The following NME7 variants were observed in gnomAD, a reference collection of about 807,000 sequenced individuals.
The protein encoded by NME7 is NME/NM23 family member 7.
NME7 carries 41 observed loss-of-function variants against 49.1 expected under a neutral mutation model. That is an observed-to-expected ratio of 0.83 (90% CI 0.65 to 1.08). The LOEUF (loss-of-function observed/expected upper bound fraction) is 1.08, where lower values mean the gene tolerates loss of function less well. NME7 is among the 50% of genes least tolerant of loss of function. The pLI is 0.00. For synonymous variants in NME7, 139 were observed against 150.6 expected, an observed-to-expected ratio of 0.92 and a Z score of 0.56; for missense variants, 423 against 463.4, an observed-to-expected ratio of 0.91 and a Z score of 0.80.
intron 3 of NME7, among the ~76,000 whole-genome samples, chr1:169,316,818 T>C (rs1488599786): frequency 1.3e-5 from 2 of 152,158 alleles, no homozygotes; most frequent in Non-Finnish European, 2.9e-5. Context: ...CACCTGATCT[T>C]TACCTGATGA....
chr1:169,226,478 G>A (rs1647347025), intron 10 of NME7, among the ~76,000 whole-genome samples: 2 of 152,254 alleles, frequency 1.3e-5, no homozygotes, highest in African/African-American at 4.8e-5. Context: ...CAAAGGGAAA[G>A]AGCCATTTTA....
intron 10 of NME7, among the ~76,000 whole-genome samples, chr1:169,205,331 T>C (rs1414565808): frequency 2.6e-5 from 4 of 152,078 alleles, no homozygotes; most frequent in Non-Finnish European, 5.9e-5. Flanking sequence ...CATCTGGTGC[T>C]TCCTTTCCTC....
chr1:169,335,496 G>T (rs2101952833), intron 1 of NME7, among the ~76,000 whole-genome samples: 1 of 151,816 alleles, frequency 6.6e-6, no homozygotes, highest in South Asian at 2.1e-4. Flanking sequence ...CTCATAAGTG[G>T]GAGGTGAACA....
At chr1:169,213,757 GT>G (rs1660895648) in intron 10 of NME7, among the ~76,000 whole-genome samples, 1 of 151,706 alleles carries the variant, frequency 6.6e-6, no homozygotes, top group African/African-American at 2.4e-5. Context: ...ACCCATCCTG[GT>G]CAGACAGCAG....
chr1:169,244,529 G>C (rs1233197592), intron 7 of NME7, among the ~76,000 whole-genome samples: 1 of 151,380 alleles, frequency 6.6e-6, no homozygotes, highest in South Asian at 2.1e-4. Flanking sequence ...CCAGCTACTC[G>C]GGAGGCTGAG....
intron 10 of NME7, among the ~76,000 whole-genome samples, chr1:169,180,309 T>C (rs554459859): frequency 6.6e-6 from 1 of 152,342 alleles, no homozygotes; most frequent in East Asian, 1.9e-4. Context: ...TATATAGTAC[T>C]TGTGTTTTTA....
At chr1:169,351,697 A>T (rs1287993567) in intron 1 of NME7, among the ~76,000 whole-genome samples, 1 of 152,038 alleles carries the variant, frequency 6.6e-6, no homozygotes, top group Non-Finnish European at 1.5e-5. Flanking sequence ...TAAGAAAAAT[A>T]GACAGAAGGC....
chr1:169,342,868 CAT>C (rs1168616843), intron 1 of NME7, among the ~76,000 whole-genome samples: 5 of 78,564 alleles, frequency 6.4e-5, no homozygotes, highest in African/African-American at 1.7e-4. Flanking sequence ...TATACAAGTA[CAT>C]ATATATAGTA....
At chr1:169,259,150 T>G (rs1474135208) in intron 7 of NME7, among the ~76,000 whole-genome samples, 1 of 133,432 alleles carries the variant, frequency 7.5e-6, no homozygotes, top group African/African-American at 2.5e-5. Context: ...ATAACAGATA[T>G]GCTCAGATTA....
chr1:169,330,324 T>C (rs185878901), intron 1 of NME7, among the ~76,000 whole-genome samples: 1 of 152,240 alleles, frequency 6.6e-6, no homozygotes, highest in East Asian at 1.9e-4. Flanking sequence ...CTGTGGCGTA[T>C]AGAGAAATGC....
At chr1:169,363,605 C>CT (rs1653742149) in intron 1 of NME7, among the ~76,000 whole-genome samples, 1 of 152,194 alleles carries the variant, frequency 6.6e-6, no homozygotes, top group South Asian at 2.1e-4. Context: ...CATATTTTCC[C>CT]TACTGCAGCC....
At chr1:169,210,750 G>C (rs1571294273) in intron 10 of NME7, among the ~76,000 whole-genome samples, 1 of 152,098 alleles carries the variant, frequency 6.6e-6, no homozygotes. Flanking sequence ...GCAGGGGATG[G>C]GGAGGAGGTT....
intron 10 of NME7, among the ~76,000 whole-genome samples, chr1:169,199,962 CTTATTAATTCA>C (rs1241562916): frequency 2.6e-5 from 4 of 152,132 alleles, no homozygotes; most frequent in East Asian, 1.9e-4. Flanking sequence ...TGATATAGAA[CTTATTAATTCA>C]TTATTAATTC....
In NME7 at chr1:169,261,331, A is replaced by G. The variant is rs1649155029; in HGVS notation, c.755-23644T>C. Among the ~76,000 whole-genome samples, 3 of 134,080 alleles carry G rather than the reference A, an allele frequency of 2.2e-5. 1 individual carries two copies. The highest frequency in any genetic ancestry group is 1.8e-5 in the Non-Finnish European group (1 of 57,050). The allele number at this position is 134,080 out of a possible 152,430, so 88.0% of individuals were successfully genotyped here. ...ATTTCTTTCCATGAAACTGGGTTTCATTCCAATCTCACTAGAGAAAGATCA... is the reference window on the plus strand; with the variant it reads ...ATTTCTTTCCATGAAACTGGGTTTCGTTCCAATCTCACTAGAGAAAGATCA... On this transcript the variant is annotated intron_variant, in intron 7 of 11. Transcript: ENST00000367811.
chr1:169,258,600 C>T (rs1377277522), intron 7 of NME7, among the ~76,000 whole-genome samples: 2 of 130,022 alleles, frequency 1.5e-5, no homozygotes, highest in South Asian at 2.4e-4. Context: ...TTTTAAATGG[C>T]TCTGATTCCC....
chr1:169,156,317 T>C (rs1220083726), intron 11 of NME7, among the ~76,000 whole-genome samples: 1 of 149,426 alleles, frequency 6.7e-6, no homozygotes, highest in Admixed American at 6.7e-5. Flanking sequence ...CTCAAAAAAA[T>C]TAAAAAAAAA....
intron 7 of NME7, chr1:169,247,084 A>G (rs1486216446): frequency 4.4e-6 from 2 of 456,146 alleles, no homozygotes; most frequent in South Asian, 3.1e-5. Context: ...CAGGCTCAGC[A>G]TGCAAAGGAA....
chr1:169,349,694 C>A (rs1263580055), intron 1 of NME7, among the ~76,000 whole-genome samples: 2 of 151,842 alleles, frequency 1.3e-5, no homozygotes, highest in Non-Finnish European at 2.9e-5. Context: ...TTTTTTAAAA[C>A]CCTGGATTCA....
rs1298241682 is a variant in NME7 at position 169,169,510 on chromosome 1, A to G, written c.1035T>C (p.Phe345=). 7.4e-6 allele frequency: 12 copies of G among 1,614,018 alleles called. No individual in the cohort carries two copies. Among genetic ancestry groups the G allele is most frequent in the African/African-American group, 1.3e-5 (1 of 74,936 alleles). ...HLRPGTLRAI[F]GKTKIQNAVH... ...CAGCATTCTGGATCTTAGTTTTACC[A>G]AAGATTGCTCTGAGAGTTCCAGGGC... is the stretch of plus-strand genomic sequence containing the variant. Residue 345 remains phenylalanine, a synonymous_variant, in exon 11 of 12, where the codon TTT becomes TTC. Transcript: ENST00000367811.
Sources: gnomAD v4.1 joint callset for allele counts (sites outside exome capture counted in the v4.1 genomes callset) on GRCh38, gnomAD v4.1.1 for gene constraint, MANE v1.5 for transcripts, NCBI Gene and HGNC (gene_info 2026-07-23, HGNC 2026-07-21) for gene names.